LMF1: variants seen among roughly 807,000 people sequenced by gnomAD.
The protein encoded by LMF1 is lipase maturation factor 1.
A neutral mutation model predicts 60.6 loss-of-function variants in LMF1; 68 were observed. The ratio of observed to expected loss-of-function variants is 1.12; its 90% CI spans 0.92 to 1.37. The LOEUF is 1.37. Ranked by LOEUF, LMF1 falls within the 40% of genes most tolerant of loss-of-function variation. LMF1 has a pLI of 0.00. For missense variants in LMF1, 948 were observed against 767.2 expected (o/e 1.24, Z -2.78); for synonymous variants, 418 against 324.7 (o/e 1.29, Z -3.09).
At chr16:910,158 C>T (rs72759455) in intron 4 of LMF1, among the ~76,000 whole-genome samples, 2,363 of 152,330 alleles carry the variant, frequency 0.016, 33 homozygotes, top group African/African-American at 0.036. Flanking sequence ...AAAAGGACCA[C>T]GTCGCTCCTG....
intron 2 of LMF1, among the ~76,000 whole-genome samples, chr16:949,858 T>A (rs1436075081): frequency 3.9e-5 from 3 of 76,916 alleles, no homozygotes; most frequent in Non-Finnish European, 4.6e-5. Context: ...AACGACAGAG[T>A]CAGCCAAGGA....
At chr16:893,860 C>T (rs1342956772) in intron 4 of LMF1, among the ~76,000 whole-genome samples, 1 of 152,120 alleles carries the variant, frequency 6.6e-6, no homozygotes, top group Non-Finnish European at 1.5e-5. Flanking sequence ...TCACATCCAG[C>T]GTCTCTCACA....
intron 1 of LMF1, chr16:968,424 T>C (rs2072971258): frequency 6.6e-6 from 1 of 152,240 alleles, no homozygotes; most frequent in Admixed American, 6.5e-5. Context: ...CTATAAACAT[T>C]GTAAAATTCA....
At chr16:926,001 G>A (rs1051601261) in intron 3 of LMF1, among the ~76,000 whole-genome samples, 1 of 152,110 alleles carries the variant, frequency 6.6e-6, no homozygotes, top group Admixed American at 6.5e-5. Flanking sequence ...CTGTATGCAT[G>A]CATGCATGTG....
intron 10 of LMF1, among the ~76,000 whole-genome samples, chr16:856,710 G>A (rs908488148): frequency 6.6e-6 from 1 of 152,244 alleles, no homozygotes; most frequent in Non-Finnish European, 1.5e-5. Flanking sequence ...GGTGGGAAGG[G>A]GCCCCAGGCC....
intron 8 of LMF1, among the ~76,000 whole-genome samples, chr16:870,308 C>T (rs990438655): frequency 1.1e-4 from 16 of 152,350 alleles, no homozygotes; most frequent in South Asian, 8.3e-4. Flanking sequence ...CAGCTGCAGC[C>T]GCCATGTGCC....
At chr16:936,883 C>T (rs1445886210) in intron 2 of LMF1, among the ~76,000 whole-genome samples, 1 of 152,182 alleles carries the variant, frequency 6.6e-6, no homozygotes, top group Non-Finnish European at 1.5e-5. Flanking sequence ...TGGAAGATGG[C>T]TTAAGCCCAG....
At chr16:879,518 G>T in intron 6 of LMF1, 52 bp downstream of exon 6, 1 of 1,591,146 alleles carries the variant, frequency 6.3e-7, no homozygotes, top group South Asian at 1.1e-5. Flanking sequence ...GAAATAGGGC[G>T]ACGGGCCAGC....
intron 3 of LMF1, among the ~76,000 whole-genome samples, chr16:926,252 C>A (rs976687249): frequency 2.0e-5 from 3 of 150,278 alleles, no homozygotes; most frequent in Non-Finnish European, 4.4e-5. Context: ...ATACGTATGT[C>A]TGTGTGTGCA....
chr16:913,183 C>T (rs967460313), intron 3 of LMF1, among the ~76,000 whole-genome samples: 9 of 152,228 alleles, frequency 5.9e-5, no homozygotes, highest in Non-Finnish European at 1.3e-4. Flanking sequence ...GGGACGGCTC[C>T]GGGAGGGCCC....
chr16:931,744 A>G (rs1298647954), intron 3 of LMF1: 2 of 1,287,108 alleles, frequency 1.6e-6, no homozygotes, highest in Non-Finnish European at 2.0e-6. Flanking sequence ...CGAAGCTACT[A>G]CGAGTCTTCT....
chr16:971,041 G>A (rs1230547450), upstream of LMF1: 1 of 1,360,236 alleles, frequency 7.4e-7, no homozygotes, highest in Non-Finnish European at 9.5e-7. Flanking sequence ...CCCATTCTCG[G>A]AGGCCCCGCC....
chr16:875,716 G>A (rs1353539268), intron 6 of LMF1, among the ~76,000 whole-genome samples: 1 of 152,210 alleles, frequency 6.6e-6, no homozygotes, highest in Admixed American at 6.5e-5. Flanking sequence ...TGCCTGGGCT[G>A]TGTGTCCAGG....
intron 3 of LMF1, among the ~76,000 whole-genome samples, chr16:930,129 G>T: frequency 1.0e-5 from 1 of 95,560 alleles, no homozygotes; most frequent in African/African-American, 4.9e-5. Context: ...GGACAGCAGT[G>T]GTGGCGTCCG....
At chr16:955,993 G>A (rs1253506447) in intron 1 of LMF1, among the ~76,000 whole-genome samples, 3 of 149,062 alleles carry the variant, frequency 2.0e-5, no homozygotes, top group Admixed American at 6.7e-5. Context: ...CACGTCTCAC[G>A]GCGCCCACCC....
At chr16:930,439 T>A (rs1466643214) in intron 3 of LMF1, among the ~76,000 whole-genome samples, 3 of 152,222 alleles carry the variant, frequency 2.0e-5, no homozygotes, top group Admixed American at 6.5e-5. Flanking sequence ...AGTGCGCCTG[T>A]AGTCCCAGCT....
Position 854,421 on chromosome 16 carries a change from C to G in LMF1, c.*111G>C. 3.6e-6 allele frequency: 4 copies of G among 1,120,362 alleles called. No individual in the cohort carries two copies. The highest frequency in any genetic ancestry group is 5.2e-6 in the Non-Finnish European group (4 of 775,420). The allele number at this position is 1,120,362 out of a possible 1,614,324, so 69.4% of individuals were successfully genotyped here. On this transcript the variant is annotated 3_prime_UTR_variant, in exon 11 of 11. Transcript: ENST00000262301. ...GTGCTGGGGGCTGGGTCCCACCGCT[C>G]TCCTCTCCACGTCTCTCTTGGCGAT...
At position 871,535 on chromosome 16, in the gene LMF1, G is replaced by A. The variant is rs960907719; in HGVS notation, c.898-194C>T. 4 of 605,536 alleles carry A rather than the reference G, an allele frequency of 6.6e-6. No homozygotes were observed. In the African/African-American group the frequency reaches 7.5e-5, roughly 11 times the overall value. The allele number at this position is 605,536 out of a possible 1,614,324, so 37.5% of individuals were successfully genotyped here. A position where few individuals can be genotyped will look rare whatever the true frequency, so the allele number is the denominator to read the frequency against. On this transcript the variant is annotated intron_variant, in intron 6 of 10. Coordinates refer to ENST00000262301, the MANE Select transcript of LMF1 (RefSeq NM_022773.4). ...AGGGGACAGCAGATGCCTCAGAGGT[G>A]CCTTCCGGCAGGTGCTTCCAGAACA...
At chr16:981,151 G>T (rs555287843) in exon 1 of LMF1, 2 of 450,870 alleles carry the variant, frequency 4.4e-6, no homozygotes, top group African/African-American at 4.0e-5. Context: ...TTACCTGGAC[G>T]TGCGCTGTCC....
Sources: allele counts gnomAD v4.1 joint callset (sites outside exome capture counted in the v4.1 genomes callset), GRCh38; gene constraint gnomAD v4.1.1; transcripts MANE v1.5; gene names NCBI Gene and HGNC (gene_info 2026-07-23, HGNC 2026-07-21).